Variants in TAFA2 observed in about 807,000 individuals in gnomAD.
TAFA2 encodes TAFA chemokine like family member 2.
A neutral mutation model predicts 18.8 loss-of-function variants in TAFA2; 7 were observed. The observed-to-expected ratio is 0.37, with a 90% CI of 0.21 to 0.70. The LOEUF (loss-of-function observed/expected upper bound fraction) is 0.70. TAFA2 is among the 30% of genes least tolerant of loss of function. TAFA2 has a pLI of 0.53. For synonymous variants in TAFA2, 60 were observed against 54.2 expected (o/e 1.11, Z -0.47); for missense variants, 122 against 158.1 (o/e 0.77, Z 1.23).
intron 1 of TAFA2, among the ~76,000 whole-genome samples, chr12:62,131,045 T>C (rs1423468441): frequency 6.6e-6 from 1 of 151,946 alleles, no homozygotes; most frequent in Non-Finnish European, 1.5e-5. Context: ...AAATAACATG[T>C]TAAAACTGAA....
chr12:61,980,673 G>A (rs1040016025), intron 1 of TAFA2, among the ~76,000 whole-genome samples: 3 of 152,046 alleles, frequency 2.0e-5, no homozygotes, highest in Admixed American at 6.6e-5. Context: ...ACAGACAAAC[G>A]GAGAGCCAAA....
rs530913887 is a variant in TAFA2, at chr12:62,234,835, T to C, written c.-130+23928A>G. The C allele has an allele frequency of 7.8e-6, 8 of 1,027,158 alleles. 1 individual carries two copies. In the East Asian group the frequency reaches 2.1e-4, roughly 26 times the overall value. 63.6% of individuals were successfully genotyped at this position (1,027,158 alleles called of 1,614,324 possible). On this transcript the variant is annotated intron_variant, in intron 1 of 5. Transcript: ENST00000551619. ...TGGGAGTCTGGCTGACTTACGAGAG[T>C]CCTGAGATCCTAAAACCAGCAATGA...
chr12:61,857,977 C>T (rs150214508), intron 2 of TAFA2, among the ~76,000 whole-genome samples: 174 of 152,264 alleles, frequency 1.1e-3, no homozygotes, highest in African/African-American at 4.0e-3. Context: ...ACTATGGATG[C>T]CCATGGGCTT....
intron 1 of TAFA2, among the ~76,000 whole-genome samples, chr12:62,026,439 T>G (rs1881313418): frequency 6.6e-6 from 1 of 152,010 alleles, no homozygotes; most frequent in African/African-American, 2.4e-5. Context: ...AACTTCCAGG[T>G]TCTTGGCAAA....
chr12:61,816,191 G>A lies in TAFA2; in HGVS notation c.106+51129C>T, dbSNP rs764801234. 1.9e-4 allele frequency among the ~76,000 whole-genome samples: 29 copies of A among 151,036 alleles called. 1 individual carries two copies. Among genetic ancestry groups the A allele is most frequent in the Admixed American group, 2.6e-4 (4 of 15,230 alleles). On this transcript the variant is annotated intron_variant, in intron 2 of 4. Transcript: ENST00000416284. ...CCCTCCTCTCACCCTCCACCATCAA[G>A]TAGACCCCAGTGTCTGTTGCTCCCT...
chr12:62,084,438 A>G (rs544457032), intron 1 of TAFA2, among the ~76,000 whole-genome samples: 12 of 152,280 alleles, frequency 7.9e-5, no homozygotes, highest in African/African-American at 2.9e-4. Flanking sequence ...CACAAGAAGG[A>G]GGGAAGGGTC....
At position 61,710,761 on chromosome 12, in the gene TAFA2, C is replaced by T. The variant is rs538143684; in HGVS notation, c.385-344G>A. Among the ~76,000 whole-genome samples, 4 of 152,056 alleles carry T rather than the reference C, an allele frequency of 2.6e-5. No individual in the cohort carries two copies. The East Asian group carries it at 7.7e-4, about 29-fold the overall frequency. On this transcript the variant is annotated intron_variant, in intron 4 of 4. Transcript: ENST00000416284. ...TTGCACAGGCTTGGTAGCCATAACCCAAATATCACAAACACATCATACTAG... is the reference window on the plus strand; with the variant it reads ...TTGCACAGGCTTGGTAGCCATAACCTAAATATCACAAACACATCATACTAG...
rs565930427 is a variant in TAFA2, at chr12:61,918,944, G to A, written c.-1-51518C>T. 1.4e-4 allele frequency among the ~76,000 whole-genome samples: 21 copies of A among 152,280 alleles called. 1 individual carries two copies. Among genetic ancestry groups the A allele is most frequent in the African/African-American group, 3.6e-4 (15 of 41,568 alleles). ...TACCTGGCCTTTGCCTGTGCTAGCC[G>A]TATTTCCTCTTTAGTAAAATGGAGA... is the stretch of plus-strand genomic sequence containing the variant. On this transcript the variant is annotated intron_variant, in intron 1 of 4. Coordinates refer to ENST00000416284, the MANE Select transcript of TAFA2 (RefSeq NM_178539.5).
intron 2 of TAFA2, among the ~76,000 whole-genome samples, chr12:61,804,573 T>C (rs1210852065): frequency 2.6e-5 from 4 of 152,076 alleles, no homozygotes; most frequent in African/African-American, 9.7e-5. Context: ...CATTTTGTAT[T>C]ACAATGATTC....
At chr12:61,983,972 T>C (rs1364701532) in intron 1 of TAFA2, among the ~76,000 whole-genome samples, 5 of 152,166 alleles carry the variant, frequency 3.3e-5, no homozygotes, top group Admixed American at 2.6e-4. Flanking sequence ...ACCTCATCCC[T>C]GGCCTTGTTC....
chr12:61,807,166 G>A (rs1490846814), intron 2 of TAFA2, among the ~76,000 whole-genome samples: 1 of 151,288 alleles, frequency 6.6e-6, no homozygotes, highest in Non-Finnish European at 1.5e-5. Context: ...AAGTGGTTTT[G>A]TGGGCTGGGC....
intron 2 of TAFA2, among the ~76,000 whole-genome samples, chr12:61,755,404 G>C (rs2120764524): frequency 6.6e-6 from 1 of 152,210 alleles, no homozygotes; most frequent in Non-Finnish European, 1.5e-5. Context: ...CAATGGGACT[G>C]AGGCCAGCCC....
chr12:61,738,633 T>TA (rs1868349320), intron 4 of TAFA2, among the ~76,000 whole-genome samples: 1 of 152,042 alleles, frequency 6.6e-6, no homozygotes, highest in Non-Finnish European at 1.5e-5. Context: ...TACAATTGTG[T>TA]AGTCCAACAG....
chr12:61,733,972 T>C (rs1395053724), intron 4 of TAFA2, among the ~76,000 whole-genome samples: 1 of 148,840 alleles, frequency 6.7e-6, no homozygotes, highest in South Asian at 2.2e-4. Context: ...GTAGTTCTCC[T>C]TGAAGAGGTC....
chr12:61,951,134 T>TAA (rs1878450831), intron 1 of TAFA2, among the ~76,000 whole-genome samples: 1 of 151,970 alleles, frequency 6.6e-6, no homozygotes, highest in African/African-American at 2.4e-5. Flanking sequence ...TGAGACCTAA[T>TAA]AAAAAGAAAG....
At chr12:62,136,372 A>G (rs1245443) in intron 1 of TAFA2, among the ~76,000 whole-genome samples, 73,855 of 151,898 alleles carry the variant, frequency 0.49, 18,287 homozygotes, top group African/African-American at 0.53. Flanking sequence ...TGTCTTCTTT[A>G]TGATTCTTCT....
intron 1 of TAFA2, among the ~76,000 whole-genome samples, chr12:61,914,284 A>G (rs1876729895): frequency 6.6e-6 from 1 of 152,302 alleles, no homozygotes; most frequent in East Asian, 1.9e-4. Context: ...TCCTTCTCTC[A>G]GGATCTAATC....
chr12:61,862,452 A>AT (rs1336167436), intron 2 of TAFA2, among the ~76,000 whole-genome samples: 4 of 152,154 alleles, frequency 2.6e-5, no homozygotes, highest in Non-Finnish European at 4.4e-5. Flanking sequence ...TTAGATACCC[A>AT]TTTTTTCAAA....
At chr12:61,811,440 A>T (rs1871864743) in intron 2 of TAFA2, among the ~76,000 whole-genome samples, 1 of 151,440 alleles carries the variant, frequency 6.6e-6, no homozygotes, top group African/African-American at 2.5e-5. Flanking sequence ...GCAAACTTGT[A>T]AGTTCACGGT....
Sources: allele counts gnomAD v4.1 joint callset (sites outside exome capture counted in the v4.1 genomes callset), GRCh38; gene constraint gnomAD v4.1.1; transcripts MANE v1.5; gene names NCBI Gene and HGNC (gene_info 2026-07-23, HGNC 2026-07-21).